Variants in DLGAP4 observed in about 807,000 individuals in gnomAD.
The protein encoded by DLGAP4 is DLG associated protein 4.
Under a neutral mutation model 86.9 loss-of-function variants are expected in DLGAP4, and 18 were observed. The ratio of observed to expected loss-of-function variants is 0.21; its 90% CI spans 0.14 to 0.31. The LOEUF is 0.31. Ranked by LOEUF, DLGAP4 falls within the 10% of genes least tolerant of loss-of-function variation. DLGAP4 has a pLI of 1.00. For synonymous variants in DLGAP4, 548 were observed against 574.3 expected, an observed-to-expected ratio of 0.95 and a Z score of 0.65; for missense variants, 1,085 against 1,362.6, an observed-to-expected ratio of 0.80 and a Z score of 3.21.
Position 36,500,624 on chromosome 20 carries a change from T to C in DLGAP4, c.2512+13T>C, listed in dbSNP as rs1227184707. 4 of 1,481,698 alleles carry C rather than the reference T, an allele frequency of 2.7e-6. No homozygotes were observed. Among genetic ancestry groups the C allele is most frequent in the Non-Finnish European group, 3.6e-6 (4 of 1,116,046 alleles). The allele number at this position is 1,481,698 out of a possible 1,614,324, so 91.8% of individuals were successfully genotyped here. A position where few individuals can be genotyped will look rare whatever the true frequency, so the allele number is the denominator to read the frequency against. On this transcript the variant is annotated intron_variant, in intron 10 of 12. Transcript: ENST00000339266. The surrounding 1 kb of genome is among the most constrained non-coding windows in gnomAD (Gnocchi z 4.6). ...CTCTCTGAAGAAGGTGGGTGCCACA[T>C]GGATGGTCCTTGGGCAAGGGTAGAA... is the stretch of plus-strand genomic sequence containing the variant.
Position 36,436,165 on chromosome 20 carries a change from T to C in DLGAP4, c.1056T>C (p.Asp352=). The C allele has an allele frequency of 1.3e-6, 2 of 1,596,680 alleles. No homozygotes were observed. The highest frequency in any genetic ancestry group is 2.2e-5 in the South Asian group (2 of 90,240). ...STTLLSPRET[D]AAAEGPIPCR... The stretch of plus-strand genomic sequence containing the variant: ...CGCTGCTGTCCCCACGCGAGACGGA[T>C]GCCGCGGCCGAGGGCCCTATCCCGT... The change falls in exon 4 of 13, where the codon GAT becomes GAC. Residue 352 remains aspartate (D), a synonymous_variant. Transcript: ENST00000339266.
chr20:36,516,321 A>G (rs1239300207), intron 10 of DLGAP4, among the ~76,000 whole-genome samples: 1 of 152,186 alleles, frequency 6.6e-6, no homozygotes, highest in Non-Finnish European at 1.5e-5. Flanking sequence ...TGATCCTAGT[A>G]TAACTTGTTG....
intron 1 of DLGAP4, among the ~76,000 whole-genome samples, chr20:36,353,627 G>C (rs1374158803): frequency 6.6e-6 from 1 of 152,270 alleles, no homozygotes; most frequent in African/African-American, 2.4e-5. Flanking sequence ...CTGAGGCCTG[G>C]TGCTGGAGAG....
At chr20:36,392,490 GCCT>G (rs2031816716) in intron 2 of DLGAP4, among the ~76,000 whole-genome samples, 1 of 136,996 alleles carries the variant, frequency 7.3e-6, no homozygotes, top group Admixed American at 7.3e-5. Context: ...TCCTGCCTCA[GCCT>G]CCTGAGTAGC....
chr20:36,466,940 C>G (rs961370664), intron 7 of DLGAP4, among the ~76,000 whole-genome samples: 10 of 147,726 alleles, frequency 6.8e-5, no homozygotes, highest in African/African-American at 2.4e-4. Context: ...CTCTCTCTCT[C>G]TCTCTGTCTC....
intron 7 of DLGAP4, among the ~76,000 whole-genome samples, chr20:36,467,885 C>T (rs1422758199): frequency 6.6e-6 from 1 of 152,214 alleles, no homozygotes; most frequent in Non-Finnish European, 1.5e-5. Context: ...AGATGGACTT[C>T]CCATCCCTGT....
chr20:36,363,735 G>A (rs149807137), intron 1 of DLGAP4, among the ~76,000 whole-genome samples: 1 of 152,194 alleles, frequency 6.6e-6, no homozygotes, highest in Non-Finnish European at 1.5e-5. Context: ...GGGATTGCTT[G>A]GCTGGAAGGT....
intron 7 of DLGAP4, chr20:36,462,575 TTG>T (rs1304109405): frequency 1.2e-6 from 2 of 1,600,528 alleles, no homozygotes; most frequent in Admixed American, 1.7e-5. Flanking sequence ...CCTCATGGCT[TTG>T]TGTCTGGAGC....
intron 6 of DLGAP4, among the ~76,000 whole-genome samples, chr20:36,446,371 T>G (rs2033592436): frequency 6.6e-6 from 1 of 152,200 alleles, no homozygotes; most frequent in African/African-American, 2.4e-5. Context: ...GCTAATTGAT[T>G]ATAGACCTCT....
chr20:36,513,860 G>A (rs1382669862), intron 10 of DLGAP4, among the ~76,000 whole-genome samples: 2 of 152,152 alleles, frequency 1.3e-5, no homozygotes. Flanking sequence ...TCGATCTGGG[G>A]GAAAGTCAGG....
At chr20:36,317,021 G>A (rs940741313) in intron 1 of DLGAP4, among the ~76,000 whole-genome samples, 48 of 152,268 alleles carry the variant, frequency 3.2e-4, no homozygotes, top group African/African-American at 1.1e-3. Context: ...TGTTCTTTAA[G>A]CCTCTGAAAT....
intron 1 of DLGAP4, among the ~76,000 whole-genome samples, chr20:36,340,998 A>G (rs1223758731): frequency 1.3e-5 from 2 of 152,208 alleles, no homozygotes; most frequent in Non-Finnish European, 2.9e-5. Context: ...CTCCTGGAAC[A>G]AACTGGGCCT....
chr20:36,504,918 T>G (rs1282514893), intron 10 of DLGAP4, among the ~76,000 whole-genome samples: 1 of 152,218 alleles, frequency 6.6e-6, no homozygotes, highest in East Asian at 1.9e-4. Flanking sequence ...ATATATGATT[T>G]GCAGATACTT....
intron 10 of DLGAP4, among the ~76,000 whole-genome samples, chr20:36,521,102 G>A (rs2037352584): frequency 6.6e-6 from 1 of 152,216 alleles, no homozygotes; most frequent in South Asian, 2.1e-4. Flanking sequence ...TTACAGGCAT[G>A]TGCCACCACA....
chr20:36,441,337 G>C (rs1210901276), intron 5 of DLGAP4, among the ~76,000 whole-genome samples: 2 of 152,022 alleles, frequency 1.3e-5, no homozygotes, highest in Non-Finnish European at 2.9e-5. Context: ...CCTCTTCCAG[G>C]GGCTCTCTTC....
intron 2 of DLGAP4, among the ~76,000 whole-genome samples, chr20:36,427,304 C>G (rs1395472800): frequency 6.6e-6 from 1 of 152,056 alleles, no homozygotes; most frequent in East Asian, 1.9e-4. Context: ...TAGTGAAACC[C>G]CATCTGTACT....
chr20:36,424,470 C>T (rs984707990), intron 2 of DLGAP4, among the ~76,000 whole-genome samples: 5 of 152,188 alleles, frequency 3.3e-5, no homozygotes, highest in Non-Finnish European at 7.3e-5. Context: ...AGTTAGAGAT[C>T]CAAGTCTGGC....
chr20:36,467,018 CTCTCTCTCTCTCT>C (rs2034415210), intron 7 of DLGAP4, among the ~76,000 whole-genome samples: 3 of 2,386 alleles, frequency 1.3e-3, no homozygotes, highest in Non-Finnish European at 4.4e-3. Context: ...TCTCTCTCTC[CTCTCTCTCTCTCT>C]CTCTCTCTCT....
intron 2 of DLGAP4, among the ~76,000 whole-genome samples, chr20:36,411,997 C>T (rs1002666609): frequency 6.6e-6 from 1 of 152,194 alleles, no homozygotes; most frequent in African/African-American, 2.4e-5. Context: ...CACATCCTGG[C>T]TTCGACACTC....
Sources: gnomAD v4.1 joint callset for allele counts (sites outside exome capture counted in the v4.1 genomes callset) on GRCh38, gnomAD v4.1.1 for gene constraint, Gnocchi (gnomAD v3.1) non-coding constraint, MANE v1.5 for transcripts, NCBI Gene and HGNC (gene_info 2026-07-23, HGNC 2026-07-21) for gene names.